Variants in GDF9 observed in about 807,000 individuals in gnomAD.
GDF9 encodes growth differentiation factor 9.
A neutral mutation model predicts 33.8 loss-of-function variants in GDF9; 30 were observed. That is an observed-to-expected ratio of 0.89 (90% confidence interval 0.66 to 1.20). GDF9 has a LOEUF of 1.20. GDF9 is among the 50% of genes most tolerant of loss of function. The pLI, the probability that GDF9 is intolerant of heterozygous loss-of-function variation, is 0.00. For synonymous variants in GDF9, 205 were observed against 200.7 expected, an observed-to-expected ratio of 1.02 and a Z score of -0.18; for missense variants, 556 against 543.7, an observed-to-expected ratio of 1.02 and a Z score of -0.22.
Position 132,864,280 on chromosome 5 carries a change from G to C in GDF9, c.254C>G (p.Ala85Gly). Residue 85 changes from alanine (A) to glycine (G), a missense_variant, in exon 1 of 2, where the codon GCT becomes GGT. By Grantham distance (60) the Ala-to-Gly change is moderately conservative (BLOSUM62 0). Coordinates refer to ENST00000687138, the MANE Select transcript of GDF9 (RefSeq NM_005260.7). Reference protein sequence around the residue: ...GSPRLQPDSRALHYMKKLYKT... With the variant: ...GSPRLQPDSRGLHYMKKLYKT... ...ATAGAGCTTCTTCATGTAGTGCAAA[G>C]CTCTGGAGTCTGGCTGCAGCCTAGG... 2 of 1,614,230 alleles carry C rather than the reference G, an allele frequency of 1.2e-6. No homozygotes were observed. The highest frequency in any genetic ancestry group is 1.7e-6 in the Non-Finnish European group (2 of 1,180,044).
rs1291598644 is a variant in GDF9 at position 132,864,699 on chromosome 5, CT to C, written c.-167del. The C allele has an allele frequency of 6.3e-6, 4 of 638,722 alleles. No homozygotes were observed. The highest frequency in any genetic ancestry group is 3.7e-5 in the African/African-American group (2 of 54,772). 39.6% of individuals were successfully genotyped at this position (638,722 alleles called of 1,614,324 possible). ...TGCCTAGCTGAAGATTTTATCAGCT[CT>C]ATATCAAGCAGCTGATAACACCTTA... On this transcript the variant is annotated 5_prime_UTR_variant, in exon 1 of 2. It adds an upstream start codon to the 5' untranslated region. Coordinates refer to ENST00000687138, the MANE Select transcript of GDF9 (RefSeq NM_005260.7).
chr5:132,861,680 C>G lies in GDF9; in HGVS notation c.1274G>C (p.Ser425Thr). 6.2e-7 allele frequency: 1 copy of G among 1,610,118 alleles called. No homozygotes were observed. The highest frequency in any genetic ancestry group is 8.5e-7 in the Non-Finnish European group (1 of 1,176,328). The change falls in exon 2 of 2, where the codon AGC becomes ACC. Residue 425 changes from serine to threonine, a missense_variant. Ser to Thr is a moderately conservative substitution (Grantham distance 58, BLOSUM62 1). Transcript: ENST00000687138. ...PRPSCVPAKYSPLSVLTIEPD... is the reference protein window; with the variant it reads ...PRPSCVPAKYTPLSVLTIEPD... The stretch of plus-strand genomic sequence containing the variant: ...CTCAATGGTCAAAACACTCAAGGGG[C>G]TGTATTTGGCAGGTACACATGACGG...
rs185545987 is a variant in GDF9, at chr5:132,865,006, G to T, written c.-473C>A. On this transcript the variant is annotated 5_prime_UTR_variant, in exon 1 of 2. Coordinates refer to ENST00000687138, the MANE Select transcript of GDF9 (RefSeq NM_005260.7). ...CAGATCTGCTGGTATGCAACTTATG[G>T]TATTAGGTTTACTCTTCCTCTCAAT... 6.1e-6 allele frequency: 1 copy of T among 162,686 alleles called. No individual in the cohort carries two copies. The highest frequency in any genetic ancestry group is 5.8e-5 in the Admixed American group (1 of 17,328). 10.1% of individuals were successfully genotyped at this position (162,686 alleles called of 1,614,324 possible). A position where few individuals can be genotyped will look rare whatever the true frequency, so the allele number is the denominator to read the frequency against.
chr5:132,865,537 T>G lies in GDF9; in HGVS notation c.-1004A>C, dbSNP rs1358598710. 2 of 152,132 alleles carry G rather than the reference T, an allele frequency of 1.3e-5. No homozygotes were observed. Among genetic ancestry groups the G allele is most frequent in the East Asian group, 3.8e-4 (2 of 5,200 alleles). The allele number at this position is 152,132 out of a possible 1,614,324, so 9.4% of individuals were successfully genotyped here. A position where few individuals can be genotyped will look rare whatever the true frequency, so the allele number is the denominator to read the frequency against. On this transcript the variant is annotated 5_prime_UTR_variant, in exon 1 of 2. Coordinates refer to ENST00000687138, the MANE Select transcript of GDF9 (RefSeq NM_005260.7). ...CATGAAAAGCTGAAATGAGGGGATA[T>G]TCAGCGCCACCCCGAAGGAGACTAT...
Position 132,861,442 on chromosome 5 carries a change from T to C in GDF9, c.*147A>G. 1 of 725,300 alleles carries C rather than the reference T, an allele frequency of 1.4e-6. No individual in the cohort carries two copies. The highest frequency in any genetic ancestry group is 1.6e-5 in the South Asian group (1 of 63,756). The allele number at this position is 725,300 out of a possible 1,614,324, so 44.9% of individuals were successfully genotyped here. ...TATCCCTTTATCCTGATAGATGCCA[T>C]AGAAGGTACTAACCTACACAGGCTC... is the stretch of plus-strand genomic sequence containing the variant. On this transcript the variant is annotated 3_prime_UTR_variant, in exon 2 of 2. Coordinates refer to ENST00000687138, the MANE Select transcript of GDF9 (RefSeq NM_005260.7).
intron 1 of GDF9, among the ~76,000 whole-genome samples, chr5:132,863,728 CG>C (rs1392592889): frequency 2.0e-5 from 3 of 152,118 alleles, no homozygotes; most frequent in Admixed American, 6.6e-5. Flanking sequence ...CTGTTCAAAA[CG>C]GGAACTTTAA....
chr5:132,864,346 G>C lies in GDF9; in HGVS notation c.188C>G (p.Pro63Arg). 6.2e-7 allele frequency: 1 copy of C among 1,614,202 alleles called. No homozygotes were observed. The highest frequency in any genetic ancestry group is 8.5e-7 in the Non-Finnish European group (1 of 1,180,040). The stretch of plus-strand genomic sequence containing the variant: ...AACAGATAGAACTTTGAAAAGCGCG[G>C]GAAGGAGGCCAGCTCTGTCTCTCTC... The part of the protein sequence containing the change: ...IDERDRAGLL[P>R]ALFKVLSVGR... The change falls in exon 1 of 2, where the codon CCC becomes CGC. Residue 63 changes from proline to arginine, a missense_variant. Transcript: ENST00000687138.
At position 132,862,350 on chromosome 5, in the gene GDF9, G is replaced by C; in HGVS notation, c.604C>G (p.Gln202Glu). Reference protein sequence around the residue: ...RAPYSFTFNSQFEFGKKHKWI... With the variant: ...RAPYSFTFNSEFEFGKKHKWI... ...TTGTGTTTCTTTCCAAATTCAAACT[G>C]TGAGTTAAAGGTAAATGAGTATGGA... is the stretch of plus-strand genomic sequence containing the variant. Residue 202 changes from glutamine to glutamate, a missense_variant, in exon 2 of 2, where the codon CAG (glutamine) becomes GAG (glutamate). Physicochemically the swap from Gln to Glu is conservative, Grantham distance 29. Coordinates refer to ENST00000687138, the MANE Select transcript of GDF9 (RefSeq NM_005260.7). The C allele has an allele frequency of 2.5e-6, 4 of 1,614,078 alleles. No homozygotes were observed. Among genetic ancestry groups the C allele is most frequent in the African/African-American group, 2.7e-5 (2 of 75,056 alleles).
rs189588476 is a variant in GDF9 at position 132,862,506 on chromosome 5, C to T, written c.448G>A (p.Val150Ile). Reference protein sequence around the residue: ...LLFNLDRITTVEHLLKSVLLY... With the variant: ...LLFNLDRITTIEHLLKSVLLY... ...AAGACTGACTTGAGTAAGTGTTCAA[C>T]GGTAGTAATGCGATCCAGGTTAAAT... Residue 150 changes from valine to isoleucine, a missense_variant, in exon 2 of 2, where the codon GTT becomes ATT. Val to Ile is a conservative substitution (Grantham distance 29). Transcript: ENST00000687138. 2.6e-5 allele frequency: 42 copies of T among 1,611,390 alleles called. No homozygotes were observed. In the African/African-American group the frequency reaches 4.5e-4, roughly 17 times the overall value.
At position 132,864,784 on chromosome 5, in the gene GDF9, T is replaced by C; in HGVS notation, c.-251A>G. ...TTGGTTATTTAGCTTTCCTCTCTTT[T>C]CCCCTGGCATTTACGTAAAACCCGT... On this transcript the variant is annotated 5_prime_UTR_variant, in exon 1 of 2. Transcript: ENST00000687138. 1.9e-6 allele frequency: 1 copy of C among 517,218 alleles called. No individual in the cohort carries two copies. The highest frequency in any genetic ancestry group is 3.4e-6 in the Non-Finnish European group (1 of 292,398). The allele number at this position is 517,218 out of a possible 1,614,324, so 32.0% of individuals were successfully genotyped here.
chr5:132,864,157 GC>G lies in GDF9; in HGVS notation c.376del (p.Ala126LeufsTer6). 6.2e-7 allele frequency: 1 copy of G among 1,614,216 alleles called. No individual in the cohort carries two copies. The highest frequency in any genetic ancestry group is 8.5e-7 in the Non-Finnish European group (1 of 1,180,022). On this transcript the variant is annotated frameshift_variant, in exon 1 of 2. Transcript: ENST00000687138. LOFTEE classifies it high-confidence loss of function. The stretch of plus-strand genomic sequence containing the variant: ...CATACCTGTTACCTGGTCTCCAGGA[GC>G]CTGCTTGTGCCGGGTACAGGGGGTG... ...LFTPCTRHKQ[A>X]PGDQVTGILP...
In GDF9 at chr5:132,862,423, A is replaced by C; in HGVS notation, c.531T>G (p.Asn177Lys). The stretch of plus-strand genomic sequence containing the variant: ...AAGACTTTGGCTCCTTTATCATTAG[A>C]TTGCACACACATTTGACAGCAGAGG... ...SFSSAVKCVC[N>K]LMIKEPKSSS... Residue 177 changes from asparagine to lysine, a missense_variant, in exon 2 of 2, where the codon AAT becomes AAG. Transcript: ENST00000687138. 1 of 1,614,166 alleles carries C rather than the reference A, an allele frequency of 6.2e-7. No individual in the cohort carries two copies. The highest frequency in any genetic ancestry group is 8.5e-7 in the Non-Finnish European group (1 of 1,180,006).
At position 132,861,734 on chromosome 5, in the gene GDF9, T is replaced by G. The variant is rs764883262; in HGVS notation, c.1220A>C (p.Tyr407Ser). The G allele has an allele frequency of 3.1e-6, 5 of 1,612,244 alleles. No homozygotes were observed. In the East Asian group the frequency reaches 1.1e-4, roughly 36 times the overall value. Residue 407 changes from tyrosine (Y) to serine (S), a missense_variant, in exon 2 of 2, where the codon TAT becomes TCT. Physicochemically the swap from Tyr to Ser is moderately radical, Grantham distance 144 (BLOSUM62 -2). Coordinates refer to ENST00000687138, the MANE Select transcript of GDF9 (RefSeq NM_005260.7). ...PVHTMVQNIIYEKLDSSVPRP... is the reference protein window; with the variant it reads ...PVHTMVQNIISEKLDSSVPRP... ...TGGCACTGAGGAGTCCAGCTTCTCA[T>G]AGATGATGTTCTGTACCATGGTGTG...
Position 132,864,646 on chromosome 5 carries a change from G to C in GDF9, c.-113C>G, listed in dbSNP as rs1221572360. The C allele has an allele frequency of 2.9e-6, 3 of 1,040,750 alleles. No individual in the cohort carries two copies. The highest frequency in any genetic ancestry group is 4.4e-6 in the Non-Finnish European group (3 of 683,752). The allele number at this position is 1,040,750 out of a possible 1,614,324, so 64.5% of individuals were successfully genotyped here. A position where few individuals can be genotyped will look rare whatever the true frequency, so the allele number is the denominator to read the frequency against. On this transcript the variant is annotated 5_prime_UTR_variant, in exon 1 of 2. Coordinates refer to ENST00000687138, the MANE Select transcript of GDF9 (RefSeq NM_005260.7). ...AATTTCAGGTGTGTGGGTGGACTACGGTCACTTCTGTAATCAGGCCTCAAG... is the reference window on the plus strand; with the variant it reads ...AATTTCAGGTGTGTGGGTGGACTACCGTCACTTCTGTAATCAGGCCTCAAG...
Position 132,864,310 on chromosome 5 carries a change from C to T in GDF9, c.224G>A (p.Gly75Glu). Residue 75 changes from glycine (G) to glutamate (E), a missense_variant, in exon 1 of 2, where the codon GGG (glycine) becomes GAG (glutamate). By Grantham distance (98) the Gly-to-Glu change is moderately conservative (BLOSUM62 -2). Transcript: ENST00000687138. ...LFKVLSVGRG[G>E]SPRLQPDSRA... ...GGAGTCTGGCTGCAGCCTAGGTGAC[C>T]CACCTCGCCCAACAGATAGAACTTT... is the stretch of plus-strand genomic sequence containing the variant. The T allele has an allele frequency of 1.2e-6, 2 of 1,614,166 alleles. No individual in the cohort carries two copies. The highest frequency in any genetic ancestry group is 8.5e-7 in the Non-Finnish European group (1 of 1,180,022).
In GDF9 at chr5:132,862,068, T is replaced by C. The variant is rs1254837225; in HGVS notation, c.886A>G (p.Ser296Gly). 6.2e-7 allele frequency: 1 copy of C among 1,614,092 alleles called. No individual in the cohort carries two copies. The highest frequency in any genetic ancestry group is 2.2e-5 in the East Asian group (1 of 44,886). Residue 296 changes from serine to glycine, a missense_variant, in exon 2 of 2, where the codon AGT becomes GGT. Transcript: ENST00000687138. Reference protein sequence around the residue: ...RPSQGPDQERSLSAYPVGEEA... With the variant: ...RPSQGPDQERGLSAYPVGEEA... ...TCTCCCACAGGATAGGCAGACAGAC[T>C]TCTCTCCTGGTCAGGACCCTGGGAA...
rs146316162 is a variant in GDF9, at chr5:132,865,648, A to T, written c.-1115T>A. ...CATGAGAAAACTAAGGTATGTCTGC[A>T]AAATACAAGTTGACTGCCTGCCGAG... On this transcript the variant is annotated 5_prime_UTR_variant, in exon 1 of 2. Transcript: ENST00000687138. 100 of 152,340 alleles carry T rather than the reference A, an allele frequency of 6.6e-4. No individual in the cohort carries two copies. The highest frequency in any genetic ancestry group is 2.4e-3 in the African/African-American group (100 of 41,568). 9.4% of individuals were successfully genotyped at this position (152,340 alleles called of 1,614,324 possible).
rs1047690423 is a variant in GDF9 at position 132,865,086 on chromosome 5, C to T, written c.-553G>A. On this transcript the variant is annotated 5_prime_UTR_variant, in exon 1 of 2. The change abolishes an upstream ATG in the 5' untranslated region. Coordinates refer to ENST00000687138, the MANE Select transcript of GDF9 (RefSeq NM_005260.7). The stretch of plus-strand genomic sequence containing the variant: ...TGTTTACAATTGTAATTATTCGCTG[C>T]ATGTTAATTTGCGAATTTACAAATT... The T allele has an allele frequency of 4.6e-5, 7 of 153,804 alleles. No individual in the cohort carries two copies. Among genetic ancestry groups the T allele is most frequent in the African/African-American group, 1.7e-4 (7 of 41,456 alleles). 9.5% of individuals were successfully genotyped at this position (153,804 alleles called of 1,614,324 possible).
In GDF9 at chr5:132,865,806, C is replaced by T. The variant is rs1759566073; in HGVS notation, c.-1273G>A. 6.6e-6 allele frequency among the ~76,000 whole-genome samples: 1 copy of T among 152,058 alleles called. No individual in the cohort carries two copies. The highest frequency in any genetic ancestry group is 6.6e-5 in the Admixed American group (1 of 15,252). ...CACCTCAGGGCGAGCTGTACATTGA[C>T]AACAGCATCGTCAAGCAGAATGCAC... On this transcript the variant is annotated 5_prime_UTR_variant, in exon 1 of 2. Coordinates refer to ENST00000687138, the MANE Select transcript of GDF9 (RefSeq NM_005260.7).
Sources: gnomAD v4.1 joint callset for allele counts (sites outside exome capture counted in the v4.1 genomes callset) on GRCh38, gnomAD v4.1.1 for gene constraint, MANE v1.5 for transcripts, NCBI Gene and HGNC (gene_info 2026-07-23, HGNC 2026-07-21) for gene names.